NPR3: variants seen among roughly 807,000 people sequenced by gnomAD.
NPR3 encodes natriuretic peptide receptor 3, also known as atrial natriuretic peptide receptor 3.
NPR3 carries 34 observed loss-of-function variants against 54.5 expected under a neutral mutation model. The observed-to-expected ratio is 0.62, with a 90% confidence interval of 0.47 to 0.83. The LOEUF (loss-of-function observed/expected upper bound fraction) is 0.83, where lower values mean the gene tolerates loss of function less well. Ranked by LOEUF, NPR3 falls within the 40% of genes least tolerant of loss-of-function variation. The probability of loss-of-function intolerance (pLI) is 0.00; values close to 1 mark genes in which losing one functional copy is unlikely to be tolerated. For missense variants in NPR3, 674 were observed against 720.8 expected (o/e 0.94, Z 0.74); for synonymous variants, 289 against 297.1 (o/e 0.97, Z 0.28).
upstream of NPR3, among the ~76,000 whole-genome samples, chr5:32,707,085 T>C (rs183751064): frequency 4.6e-5 from 7 of 152,326 alleles, no homozygotes; most frequent in South Asian, 1.0e-3. Flanking sequence ...CTTATGCCAG[T>C]ATTCAGGTTA....
rs542136238 is a variant in NPR3, at chr5:32,786,282, T to G, written c.1563T>G (p.Ser521Arg). ...AGAGGCGAACCCAGCAAGAAGAAAGTAACCTTGGAAAACATCGGGAATTAC... is the reference window on the plus strand; with the variant it reads ...AGAGGCGAACCCAGCAAGAAGAAAGGAACCTTGGAAAACATCGGGAATTAC... ...TIERRTQQEESNLGKHRELRE... is the reference protein window; with the variant it reads ...TIERRTQQEERNLGKHRELRE... The change falls in exon 8 of 8, where the codon AGT becomes AGG. Residue 521 changes from serine (S) to arginine (R), a missense_variant. Transcript: ENST00000265074. The G allele has an allele frequency of 1.1e-5, 18 of 1,592,564 alleles. No homozygotes were observed. In the East Asian group the frequency reaches 3.8e-4, roughly 34 times the overall value.
intron 1 of NPR3, among the ~76,000 whole-genome samples, chr5:32,698,409 A>T (rs962211202): frequency 6.6e-6 from 1 of 152,024 alleles, no homozygotes; most frequent in African/African-American, 2.4e-5. Flanking sequence ...GTGGCTTAAC[A>T]TATGGTCTTT....
intron 3 of NPR3, among the ~76,000 whole-genome samples, chr5:32,763,521 T>G (rs1313943734): frequency 6.6e-6 from 1 of 150,596 alleles, no homozygotes; most frequent in Non-Finnish European, 1.5e-5. Context: ...ATCATGTTGG[T>G]CAGGCTCATC....
intron 1 of NPR3, among the ~76,000 whole-genome samples, chr5:32,714,429 A>T (rs887141558): frequency 6.6e-6 from 1 of 151,124 alleles, no homozygotes; most frequent in Non-Finnish European, 1.5e-5. Flanking sequence ...CGGGCTTCTG[A>T]GGACTAGGGC....
At chr5:32,728,270 C>A (rs1284365501) in intron 2 of NPR3, among the ~76,000 whole-genome samples, 1 of 152,028 alleles carries the variant, frequency 6.6e-6, no homozygotes, top group Non-Finnish European at 1.5e-5. Context: ...CAAGACCAGC[C>A]TGGCCAACAT....
At chr5:32,758,025 G>C (rs186955000) in intron 3 of NPR3, among the ~76,000 whole-genome samples, 1 of 151,754 alleles carries the variant, frequency 6.6e-6, no homozygotes, top group East Asian at 1.9e-4. Context: ...GAGGACTTTT[G>C]CATCGATGTT....
upstream of NPR3, among the ~76,000 whole-genome samples, chr5:32,705,682 C>A (rs1479344822): frequency 2.6e-5 from 4 of 152,194 alleles, no homozygotes; most frequent in East Asian, 1.9e-4. Flanking sequence ...CCAATCACCT[C>A]CCACCAGTCC....
chr5:32,773,322 A>G (rs1741871440), intron 3 of NPR3, among the ~76,000 whole-genome samples: 1 of 152,164 alleles, frequency 6.6e-6, no homozygotes, highest in African/African-American at 2.4e-5. Context: ...TATCCAATAA[A>G]TGTTATAATG....
At chr5:32,782,807 A>G (rs951500381) in intron 5 of NPR3, 86 bp from the exon 6 acceptor site, 34 of 1,323,460 alleles carry the variant, frequency 2.6e-5, no homozygotes, top group Non-Finnish European at 3.5e-5. Context: ...CAGGCTGTAC[A>G]TTTTGGGGAA....
chr5:32,730,469 A>G (rs567378995), intron 2 of NPR3, among the ~76,000 whole-genome samples: 3 of 152,332 alleles, frequency 2.0e-5, no homozygotes, highest in African/African-American at 7.2e-5. Context: ...TGGGGGTTCT[A>G]GCCAGATAAA....
chr5:32,762,505 ATC>A (rs1355163605), intron 3 of NPR3, among the ~76,000 whole-genome samples: 4 of 147,480 alleles, frequency 2.7e-5, no homozygotes, highest in African/African-American at 9.7e-5. Flanking sequence ...GTGAGGTGGT[ATC>A]TCATTGTGGT....
chr5:32,748,845 A>G (rs1002715851), intron 3 of NPR3, among the ~76,000 whole-genome samples: 13 of 152,158 alleles, frequency 8.5e-5, no homozygotes, highest in Non-Finnish European at 2.9e-5. Flanking sequence ...TTTTTCTGGA[A>G]CTTTAAAATG....
intron 3 of NPR3, among the ~76,000 whole-genome samples, chr5:32,739,555 A>C (rs16890196): frequency 4.6e-5 from 7 of 151,956 alleles, no homozygotes; most frequent in Non-Finnish European, 1.0e-4. Context: ...CTTCCTACTC[A>C]CATATTGTAG....
chr5:32,777,388 A>G (rs1209295768), intron 4 of NPR3, among the ~76,000 whole-genome samples: 1 of 152,204 alleles, frequency 6.6e-6, no homozygotes, highest in Non-Finnish European at 1.5e-5. Context: ...TCACCTGTAT[A>G]ATAAGGAGGT....
intron 4 of NPR3, among the ~76,000 whole-genome samples, chr5:32,779,778 A>G (rs1232607971): frequency 1.3e-5 from 2 of 152,240 alleles, no homozygotes; most frequent in South Asian, 2.1e-4. Context: ...TACCAAGAAC[A>G]ATTATAAAAT....
At chr5:32,771,215 G>A (rs922086302) in intron 3 of NPR3, among the ~76,000 whole-genome samples, 7 of 152,158 alleles carry the variant, frequency 4.6e-5, no homozygotes, top group African/African-American at 7.2e-5. Context: ...TTGAGGTCCT[G>A]TGGGGTAGGT....
rs1427610683 is a variant in NPR3 at position 32,711,486 on chromosome 5, G to A, written c.-291G>A. Reference sequence around the variant, plus strand: ...CAAAATAGTATATGTATAAACGGAGGGCGAATATATACAAGTATATATATA... The same window carrying A: ...CAAAATAGTATATGTATAAACGGAGAGCGAATATATACAAGTATATATATA... On this transcript the variant is annotated 5_prime_UTR_variant, in exon 1 of 8. Transcript: ENST00000265074. 7 of 1,146,760 alleles carry A rather than the reference G, an allele frequency of 6.1e-6. No homozygotes were observed. The African/African-American group carries it at 8.0e-5, about 13-fold the overall frequency. 71.0% of individuals were successfully genotyped at this position (1,146,760 alleles called of 1,614,324 possible).
rs576163495 is a variant in NPR3, at chr5:32,697,119, T to C, written c.100+7933T>C. 2.6e-5 allele frequency among the ~76,000 whole-genome samples: 4 copies of C among 152,340 alleles called. No homozygotes were observed. The East Asian group carries it at 7.7e-4, about 29-fold the overall frequency. On this transcript the variant is annotated intron_variant, in intron 1 of 5. Coordinates refer to the NPR3 transcript ENST00000509104. ...CATGATACTAGCTGTGGGTTTGTCA[T>C]ATATGGTTTTTATTGTGTTGACATA...
intron 1 of NPR3, among the ~76,000 whole-genome samples, chr5:32,719,537 T>C (rs1010695666): frequency 1.3e-5 from 2 of 152,230 alleles, no homozygotes; most frequent in African/African-American, 4.8e-5. Context: ...TCTGAACTTA[T>C]AGTTCATTGC....
Sources: gnomAD v4.1 joint callset for allele counts (sites outside exome capture counted in the v4.1 genomes callset) on GRCh38, gnomAD v4.1.1 for gene constraint, MANE v1.5 for transcripts, NCBI Gene and HGNC (gene_info 2026-07-23, HGNC 2026-07-21) for gene names.